Variants in GDAP2 observed in about 807,000 individuals in gnomAD.
GDAP2 encodes the protein ganglioside-induced differentiation-associated protein 2.
In GDAP2, 51 loss-of-function variants were observed where a neutral mutation model predicts 67.0. That is an observed-to-expected ratio of 0.76 (90% CI 0.61 to 0.96). The LOEUF is 0.96. GDAP2 is among the 40% of genes least tolerant of loss of function. The pLI, the probability that GDAP2 is intolerant of heterozygous loss-of-function variation, is 0.00. For synonymous variants in GDAP2, 203 were observed against 207.3 expected, an observed-to-expected ratio of 0.98 and a Z score of 0.18; for missense variants, 547 against 588.3, an observed-to-expected ratio of 0.93 and a Z score of 0.73.
Position 117,881,809 on chromosome 1 carries a change from G to A in GDAP2, c.1302+14C>T, listed in dbSNP as rs764809196. 2.1e-6 allele frequency: 3 copies of A among 1,436,278 alleles called. No individual in the cohort carries two copies. Among genetic ancestry groups the A allele is most frequent in the Non-Finnish European group, 2.9e-6 (3 of 1,018,074 alleles). 89.0% of individuals were successfully genotyped at this position (1,436,278 alleles called of 1,614,324 possible). ...CATAAATTCTAGATTTAACCAAAGAGAAAAATACTGTACCTTTGAACGAAA... is the reference window on the plus strand; with the variant it reads ...CATAAATTCTAGATTTAACCAAAGAAAAAAATACTGTACCTTTGAACGAAA... On this transcript the variant is annotated intron_variant, in intron 12 of 13. Coordinates refer to ENST00000369443, the MANE Select transcript of GDAP2 (RefSeq NM_017686.4).
Position 117,912,090 on chromosome 1 carries a change from A to C in GDAP2, c.471-8T>G, listed in dbSNP as rs370899965. 50 of 1,572,934 alleles carry C rather than the reference A, an allele frequency of 3.2e-5. No individual in the cohort carries two copies. In the East Asian group the frequency reaches 3.6e-4, roughly 11 times the overall value. On this transcript the variant is annotated splice_polypyrimidine_tract_variant and splice_region_variant and intron_variant, in intron 4 of 13. Transcript: ENST00000369443. ...GAAGACATTGACTGCTCTCTGCAAC[A>C]AAGGGAAAACACAAAAATTGCACTA...
At chr1:117,916,073 T>C (rs773208685) in intron 3 of GDAP2, among the ~76,000 whole-genome samples, 26 of 152,182 alleles carry the variant, frequency 1.7e-4, no homozygotes, top group Non-Finnish European at 3.5e-4. Context: ...TTCTTGTCCA[T>C]ATGGAGTTTA....
chr1:117,883,535 G>T lies in GDAP2; in HGVS notation c.1200C>A (p.His400Gln), dbSNP rs780894556. The T allele has an allele frequency of 6.2e-7, 1 of 1,612,030 alleles. No homozygotes were observed. The highest frequency in any genetic ancestry group is 1.1e-5 in the South Asian group (1 of 91,004). The change falls in exon 11 of 14, where the codon CAC becomes CAA. Residue 400 changes from histidine (H) to glutamine (Q), a missense_variant. Coordinates refer to ENST00000369443, the MANE Select transcript of GDAP2 (RefSeq NM_017686.4). ...YFHTLTSEYN[H>Q]LDSDFLKKLY... ...GTTTCTTCAGGAAGTCGGAGTCCAG[G>T]TGATTGTATTCGCTGGTCAGGGTGT... is the stretch of plus-strand genomic sequence containing the variant.
intron 7 of GDAP2, among the ~76,000 whole-genome samples, chr1:117,897,973 C>T (rs1372415203): frequency 6.6e-6 from 1 of 152,116 alleles, no homozygotes; most frequent in East Asian, 1.9e-4. Context: ...TTCTGAGATA[C>T]GATTTAACAT....
At chr1:117,928,857 C>T (rs1161906905) in intron 1 of GDAP2, among the ~76,000 whole-genome samples, 2 of 152,174 alleles carry the variant, frequency 1.3e-5, no homozygotes, top group Non-Finnish European at 2.9e-5. Flanking sequence ...ATAAAAGTAG[C>T]AGAAATGCAA....
At chr1:117,893,068 A>G (rs1031147860) in intron 8 of GDAP2, among the ~76,000 whole-genome samples, 1 of 152,136 alleles carries the variant, frequency 6.6e-6, no homozygotes, top group Non-Finnish European at 1.5e-5. Context: ...CTTTATTACC[A>G]GTAGTATCCA....
At chr1:117,888,672 G>C (rs1648954993) in intron 8 of GDAP2, among the ~76,000 whole-genome samples, 1 of 152,126 alleles carries the variant, frequency 6.6e-6, no homozygotes, top group Admixed American at 6.6e-5. Flanking sequence ...AAGCAACTCT[G>C]AAGTGTCTAA....
intron 6 of GDAP2, among the ~76,000 whole-genome samples, chr1:117,902,594 G>A (rs932953775): frequency 6.6e-6 from 1 of 152,174 alleles, no homozygotes; most frequent in South Asian, 2.1e-4. Flanking sequence ...TGAAACCACT[G>A]TCAGAAATTC....
chr1:117,879,489 T>C (rs1469164029), intron 12 of GDAP2, among the ~76,000 whole-genome samples: 1 of 152,146 alleles, frequency 6.6e-6, no homozygotes, highest in Admixed American at 6.5e-5. Context: ...ATGATGATGA[T>C]GATGATAATG....
chr1:117,881,911 T>C (rs1205657676), intron 11 of GDAP2, 34 bp from the exon 12 acceptor site: 2 of 1,194,552 alleles, frequency 1.7e-6, no homozygotes, highest in Admixed American at 1.7e-5. Context: ...AAAAAATCAG[T>C]ATAAGTTCAT....
chr1:117,899,580 G>A (rs1268060462), intron 6 of GDAP2, among the ~76,000 whole-genome samples: 1 of 151,916 alleles, frequency 6.6e-6, no homozygotes, highest in African/African-American at 2.4e-5. Flanking sequence ...TGCCATCAGG[G>A]TCCGTTCAAC....
At chr1:117,912,172 C>A (rs1649878647) in intron 4 of GDAP2, 90 bp from the exon 5 acceptor site, 5 of 779,118 alleles carry the variant, frequency 6.4e-6, no homozygotes, top group Non-Finnish European at 1.1e-5. Context: ...TCTAGCTCAA[C>A]TTCTCCTTTC....
chr1:117,889,197 T>C (rs1308134793), intron 8 of GDAP2, among the ~76,000 whole-genome samples: 1 of 152,158 alleles, frequency 6.6e-6, no homozygotes, highest in East Asian at 1.9e-4. Flanking sequence ...ATTCTATTTC[T>C]TTACTTAAAA....
intron 5 of GDAP2, among the ~76,000 whole-genome samples, chr1:117,909,855 T>C (rs547486102): frequency 3.9e-5 from 6 of 152,296 alleles, no homozygotes; most frequent in Admixed American, 1.3e-4. Flanking sequence ...CTGGTAGAAT[T>C]AGAACTAAAA....
chr1:117,900,659 G>A (rs1419798367), intron 6 of GDAP2, among the ~76,000 whole-genome samples: 1 of 151,740 alleles, frequency 6.6e-6, no homozygotes, highest in Non-Finnish European at 1.5e-5. Context: ...CCAGCTACTC[G>A]GGAGGCTGAG....
At chr1:117,912,841 C>T (rs1322532929) in intron 3 of GDAP2, among the ~76,000 whole-genome samples, 158 bp from the exon 4 acceptor site, 1 of 152,014 alleles carries the variant, frequency 6.6e-6, no homozygotes, top group Non-Finnish European at 1.5e-5. Context: ...CTTCTGTTCC[C>T]AAAATGACAG....
At chr1:117,902,322 C>T (rs1649507304) in intron 6 of GDAP2, among the ~76,000 whole-genome samples, 1 of 152,136 alleles carries the variant, frequency 6.6e-6, no homozygotes, top group African/African-American at 2.4e-5. Context: ...CCTAATTTAT[C>T]CACTTTCATT....
intron 13 of GDAP2, among the ~76,000 whole-genome samples, chr1:117,875,980 A>C (rs1253669421): frequency 6.6e-6 from 1 of 152,152 alleles, no homozygotes; most frequent in Non-Finnish European, 1.5e-5. Flanking sequence ...TGCTGGAACA[A>C]GGTAAAACTT....
chr1:117,889,530 T>G (rs1423114131), intron 8 of GDAP2, among the ~76,000 whole-genome samples: 2 of 152,076 alleles, frequency 1.3e-5, no homozygotes, highest in Non-Finnish European at 2.9e-5. Context: ...TGAGTTCAGT[T>G]TTTTTAGGTT....
Sources: gnomAD v4.1 joint callset for allele counts (sites outside exome capture counted in the v4.1 genomes callset) on GRCh38, gnomAD v4.1.1 for gene constraint, MANE v1.5 for transcripts, NCBI Gene and HGNC (gene_info 2026-07-23, HGNC 2026-07-21) for gene names.